ATP10B: variants seen among roughly 807,000 people sequenced by gnomAD.
ATP10B encodes the protein ATPase phospholipid transporting 10B (putative).
ATP10B carries 122 observed loss-of-function variants against 141.2 expected under a neutral mutation model. That is an observed-to-expected ratio of 0.86 (90% CI 0.75 to 1.00). The LOEUF (loss-of-function observed/expected upper bound fraction) is 1.00, where lower values mean the gene tolerates loss of function less well. Among genes scored for constraint, ATP10B ranks in the 50% least tolerant of loss-of-function variants. The pLI, the probability that ATP10B is intolerant of heterozygous loss-of-function variation, is 0.00. For synonymous variants in ATP10B, 685 were observed against 692.0 expected (o/e 0.99, Z 0.16); for missense variants, 1,876 against 1,825.3 (o/e 1.03, Z -0.51).
At chr5:160,815,350 T>C (rs1773527155) in intron 1 of ATP10B, among the ~76,000 whole-genome samples, 1 of 152,086 alleles carries the variant, frequency 6.6e-6, no homozygotes, top group African/African-American at 2.4e-5. Context: ...TGGTCTCTGA[T>C]AAAACAGACT....
intron 7 of ATP10B, among the ~76,000 whole-genome samples, chr5:160,662,332 T>C (rs1355150360): frequency 2.6e-5 from 4 of 152,062 alleles, no homozygotes; most frequent in Non-Finnish European, 5.9e-5. Context: ...GAGCCCGCAT[T>C]GCCAAGTCAA....
chr5:160,802,878 C>A (rs985506668), intron 1 of ATP10B, among the ~76,000 whole-genome samples: 1 of 152,148 alleles, frequency 6.6e-6, no homozygotes, highest in African/African-American at 2.4e-5. Flanking sequence ...GGAGGTTTCT[C>A]TTCAGTTTCA....
At chr5:160,587,635 G>A (rs560957480) in intron 24 of ATP10B, among the ~76,000 whole-genome samples, 2 of 152,166 alleles carry the variant, frequency 1.3e-5, no homozygotes, top group African/African-American at 4.8e-5. Flanking sequence ...TCCTTTAAGA[G>A]GTCCTTCACT....
chr5:160,808,651 T>C (rs1772945279), intron 1 of ATP10B, among the ~76,000 whole-genome samples: 1 of 152,216 alleles, frequency 6.6e-6, no homozygotes. Flanking sequence ...ACTGGATCTT[T>C]CTTATCCTTC....
intron 7 of ATP10B, among the ~76,000 whole-genome samples, chr5:160,652,031 C>G (rs191512562): frequency 6.6e-6 from 1 of 152,196 alleles, no homozygotes; most frequent in African/African-American, 2.4e-5. Context: ...TTCTGTAATG[C>G]CTCGGAGTCC....
chr5:160,715,158 C>A (rs567964792), intron 3 of ATP10B, among the ~76,000 whole-genome samples: 11 of 149,448 alleles, frequency 7.4e-5, no homozygotes, highest in African/African-American at 2.2e-4. Context: ...TCGAGGTTCC[C>A]GGCTGCTTTG....
At chr5:160,591,572 C>A (rs1199264468) in intron 22 of ATP10B, among the ~76,000 whole-genome samples, 1 of 152,132 alleles carries the variant, frequency 6.6e-6, no homozygotes, top group Non-Finnish European at 1.5e-5. Flanking sequence ...TAAGTGGCAT[C>A]TGAGAGATCT....
intron 9 of ATP10B, among the ~76,000 whole-genome samples, chr5:160,641,759 A>G (rs767595159): frequency 3.9e-5 from 6 of 152,260 alleles, no homozygotes; most frequent in Non-Finnish European, 8.8e-5. Flanking sequence ...CATCAGTTGC[A>G]TATTTTCTGT....
chr5:160,636,504 G>A (rs551483375), intron 10 of ATP10B, among the ~76,000 whole-genome samples, 195 bp from the exon 11 acceptor site: 3 of 152,190 alleles, frequency 2.0e-5, no homozygotes, highest in South Asian at 2.1e-4. Context: ...GTGGTTCTTC[G>A]TATACATTTC....
At chr5:160,876,601 G>A in the ATP10B span, among the ~76,000 whole-genome samples, 5 of 150,570 alleles carry the variant, frequency 3.3e-5, no homozygotes, top group African/African-American at 1.2e-4. Context: ...CCAGAAGCTG[G>A]TTTTTTGAAA....
At chr5:160,779,284 A>G (rs1047600772) in intron 2 of ATP10B, among the ~76,000 whole-genome samples, 2 of 152,094 alleles carry the variant, frequency 1.3e-5, no homozygotes, top group African/African-American at 4.8e-5. Context: ...ACTGATTCCT[A>G]CCCCCTAAGA....
intron 17 of ATP10B, among the ~76,000 whole-genome samples, chr5:160,613,127 G>C (rs1022043923): frequency 6.6e-6 from 1 of 152,174 alleles, no homozygotes; most frequent in Non-Finnish European, 1.5e-5. Flanking sequence ...TTATAACTGA[G>C]CTATATAATG....
chr5:160,861,570 G>A, the ATP10B span, among the ~76,000 whole-genome samples: 1 of 152,062 alleles, frequency 6.6e-6, no homozygotes, highest in South Asian at 2.1e-4. Context: ...AAAGGGATTA[G>A]TTTTGATATT....
At chr5:160,638,302 G>A (rs1367991993) in intron 10 of ATP10B, among the ~76,000 whole-genome samples, 2 of 152,108 alleles carry the variant, frequency 1.3e-5, no homozygotes, top group African/African-American at 4.8e-5. Flanking sequence ...TGGTTTCCCT[G>A]TGCCTTATCT....
chr5:160,917,271 T>TC, the ATP10B span, among the ~76,000 whole-genome samples: 4 of 134,494 alleles, frequency 3.0e-5, no homozygotes, highest in African/African-American at 1.1e-4. Context: ...GGGTACTTCT[T>TC]TTTTTTTTTT....
At position 160,706,943 on chromosome 5, in the gene ATP10B, A is replaced by ATATT. The variant is rs551509241; in HGVS notation, c.-205+9962_-205+9965dup. On this transcript the variant is annotated intron_variant, in intron 3 of 25. Coordinates refer to ENST00000327245, the MANE Select transcript of ATP10B (RefSeq NM_025153.3). ...ATTTGTGGACTGTTGGTTTGTTTTA[A>ATATT]TATTTATTTATTTATTTATTTATTT... Among the ~76,000 whole-genome samples the ATATT allele has an allele frequency of 5.9e-3, 891 of 151,736 alleles. 7 individuals carry two copies. Among genetic ancestry groups the ATATT allele is most frequent in the East Asian group, 0.019 (97 of 5,152 alleles).
the ATP10B span, among the ~76,000 whole-genome samples, chr5:160,872,683 G>C: frequency 1.3e-5 from 2 of 152,186 alleles, no homozygotes; most frequent in Non-Finnish European, 2.9e-5. Flanking sequence ...TCAGTTGGCT[G>C]TAAGTATTTT....
At chr5:160,924,778 G>C in the ATP10B span, among the ~76,000 whole-genome samples, 2 of 152,200 alleles carry the variant, frequency 1.3e-5, no homozygotes, top group African/African-American at 4.8e-5. Context: ...TATATCAACA[G>C]ATTTAAGCCA....
intron 2 of ATP10B, among the ~76,000 whole-genome samples, chr5:160,777,465 A>G (rs530929791): frequency 6.6e-6 from 1 of 152,356 alleles, no homozygotes; most frequent in East Asian, 1.9e-4. Flanking sequence ...TGGAAGATGG[A>G]GCATTAATTT....
Sources: allele counts gnomAD v4.1 joint callset (sites outside exome capture counted in the v4.1 genomes callset), GRCh38; gene constraint gnomAD v4.1.1; transcripts MANE v1.5; gene names NCBI Gene and HGNC (gene_info 2026-07-23, HGNC 2026-07-21).